HSD17B12: variants seen among roughly 807,000 people sequenced by gnomAD.
HSD17B12 encodes the protein hydroxysteroid 17-beta dehydrogenase 12.
In HSD17B12, 32 loss-of-function variants were observed where a neutral mutation model predicts 39.3. The ratio of observed to expected loss-of-function variants is 0.81; its 90% CI spans 0.61 to 1.09. The LOEUF (loss-of-function observed/expected upper bound fraction) is 1.09. Ranked by LOEUF, HSD17B12 falls within the 50% of genes least tolerant of loss-of-function variation. The pLI is 0.00. For synonymous variants in HSD17B12, 150 were observed against 146.7 expected, an observed-to-expected ratio of 1.02 and a Z score of -0.16; for missense variants, 342 against 382.9, an observed-to-expected ratio of 0.89 and a Z score of 0.89.
chr11:43,816,497 A>T, intron 6 of HSD17B12, 106 bp downstream of exon 6: 1 of 930,158 alleles, frequency 1.1e-6, no homozygotes. Context: ...TTAGATGCAG[A>T]TACATGTATT....
At chr11:43,676,242 T>TA (rs71449856), upstream of HSD17B12, among the ~76,000 whole-genome samples, 53 of 151,658 alleles carry the variant, frequency 3.5e-4, no homozygotes, top group South Asian at 8.3e-4. Flanking sequence ...TGTGTATGTG[T>TA]TAAGCGTAGA....
the HSD17B12 span, among the ~76,000 whole-genome samples, chr11:43,600,685 T>C: frequency 6.6e-6 from 1 of 152,154 alleles, no homozygotes; most frequent in African/African-American, 2.4e-5. Context: ...TGTAAGATCT[T>C]AGCAAGTTAC....
the HSD17B12 span, among the ~76,000 whole-genome samples, chr11:43,653,745 G>A: frequency 6.6e-6 from 1 of 152,072 alleles, no homozygotes; most frequent in African/African-American, 2.4e-5. Flanking sequence ...ATTTTTTATG[G>A]CTGCATAGTA....
Position 43,750,906 on chromosome 11 carries a change from C to G in HSD17B12, c.161-5C>G, listed in dbSNP as rs752171950. 115 of 1,596,012 alleles carry G rather than the reference C, an allele frequency of 7.2e-5. No individual in the cohort carries two copies. Among genetic ancestry groups the G allele is most frequent in the Non-Finnish European group, 9.7e-5 (114 of 1,169,338 alleles). On this transcript the variant is annotated splice_region_variant and splice_polypyrimidine_tract_variant and intron_variant, in intron 1 of 10. Coordinates refer to ENST00000278353, the MANE Select transcript of HSD17B12 (RefSeq NM_016142.3). Reference sequence around the variant, plus strand: ...ACTAAACTATTGCTTTTTTCCCTTTCCCAGTTGTCACAGGTAGTACTGATG... The same window carrying G: ...ACTAAACTATTGCTTTTTTCCCTTTGCCAGTTGTCACAGGTAGTACTGATG...
the HSD17B12 span, among the ~76,000 whole-genome samples, chr11:43,612,686 G>A: frequency 2.0e-5 from 3 of 152,164 alleles, no homozygotes; most frequent in South Asian, 4.1e-4. Flanking sequence ...GATTACAGGC[G>A]TGAGCCTGTA....
chr11:43,758,813 A>G (rs938180316), intron 3 of HSD17B12, among the ~76,000 whole-genome samples: 1 of 152,168 alleles, frequency 6.6e-6, no homozygotes, highest in African/African-American at 2.4e-5. Flanking sequence ...CTTCATTACA[A>G]TTAACAGCCA....
chr11:43,620,481 C>A, the HSD17B12 span, among the ~76,000 whole-genome samples: 1 of 152,076 alleles, frequency 6.6e-6, no homozygotes, highest in Middle Eastern at 3.2e-3. Context: ...GTAATGTTTG[C>A]AAAAGCTCCA....
chr11:43,724,076 T>A (rs868336021), intron 1 of HSD17B12: 11 of 152,240 alleles, frequency 7.2e-5, no homozygotes, highest in African/African-American at 2.4e-4. Flanking sequence ...TCTCTACTTA[T>A]TGTCTGATAT....
At chr11:43,671,225 C>T in the HSD17B12 span, among the ~76,000 whole-genome samples, 6 of 152,170 alleles carry the variant, frequency 3.9e-5, no homozygotes, top group East Asian at 1.9e-4. Flanking sequence ...AGTGCAGTGG[C>T]GCCATCTTGG....
intron 1 of HSD17B12, among the ~76,000 whole-genome samples, chr11:43,681,566 A>G (rs11037562): frequency 0.024 from 3,627 of 152,264 alleles, 154 homozygotes; most frequent in African/African-American, 0.083. Flanking sequence ...TCATACAATT[A>G]CAAAGCCCCT....
the HSD17B12 span, among the ~76,000 whole-genome samples, chr11:43,627,353 T>C: frequency 6.6e-6 from 1 of 151,948 alleles, no homozygotes; most frequent in African/African-American, 2.4e-5. Context: ...GATACCTTAT[T>C]GAATAGGAGC....
intron 1 of HSD17B12, among the ~76,000 whole-genome samples, chr11:43,739,239 C>T (rs528852117): frequency 2.0e-5 from 3 of 152,096 alleles, no homozygotes; most frequent in East Asian, 3.9e-4. Flanking sequence ...AGGGGGAGTT[C>T]GGAGTACTAT....
the HSD17B12 span, among the ~76,000 whole-genome samples, chr11:43,657,873 A>G: frequency 6.6e-6 from 1 of 152,076 alleles, no homozygotes. Context: ...TCTGACAATT[A>G]TGTGTCTTGG....
intron 1 of HSD17B12, among the ~76,000 whole-genome samples, chr11:43,730,047 T>C (rs896158487): frequency 6.7e-6 from 1 of 149,718 alleles, no homozygotes; most frequent in African/African-American, 2.5e-5. Flanking sequence ...TGTGTGTGTG[T>C]TTTTTTTTTA....
chr11:43,617,233 G>A, the HSD17B12 span, among the ~76,000 whole-genome samples: 3 of 152,136 alleles, frequency 2.0e-5, no homozygotes, highest in African/African-American at 7.2e-5. Flanking sequence ...ATTTTTCAGT[G>A]CCTCGCTTCT....
At chr11:43,592,106 C>T in the HSD17B12 span, among the ~76,000 whole-genome samples, 83 of 152,038 alleles carry the variant, frequency 5.5e-4, no homozygotes, top group African/African-American at 1.9e-3. Context: ...TATGTTTTAA[C>T]ACTAGGTTGA....
At chr11:43,658,894 G>T in the HSD17B12 span, among the ~76,000 whole-genome samples, 1 of 152,192 alleles carries the variant, frequency 6.6e-6, no homozygotes, top group African/African-American at 2.4e-5. Context: ...GCTGCGTGCT[G>T]GGAGAACCAC....
the HSD17B12 span, among the ~76,000 whole-genome samples, chr11:43,650,098 G>C: frequency 6.6e-6 from 1 of 152,146 alleles, no homozygotes; most frequent in Non-Finnish European, 1.5e-5. Context: ...AAAATGGTTT[G>C]TTTTAAGCTT....
chr11:43,754,402 G>A (rs538830441), intron 3 of HSD17B12, among the ~76,000 whole-genome samples: 132 of 151,884 alleles, frequency 8.7e-4, no homozygotes, highest in Middle Eastern at 3.4e-3. Flanking sequence ...GTGAAACCCC[G>A]TCTCTACTAA....
Sources: allele counts gnomAD v4.1 joint callset (sites outside exome capture counted in the v4.1 genomes callset), GRCh38; gene constraint gnomAD v4.1.1; transcripts MANE v1.5; gene names NCBI Gene and HGNC (gene_info 2026-07-23, HGNC 2026-07-21).